UNC13B: variants seen among roughly 807,000 people sequenced by gnomAD.
UNC13B encodes the protein protein unc-13 homolog B.
Under a neutral mutation model 211.0 loss-of-function variants are expected in UNC13B, and 144 were observed. That is an observed-to-expected ratio of 0.68 (90% CI 0.60 to 0.78). The LOEUF is 0.78. Ranked by LOEUF, UNC13B falls within the 30% of genes least tolerant of loss-of-function variation. The probability of loss-of-function intolerance (pLI) is 0.00; values close to 1 mark genes in which losing one functional copy is unlikely to be tolerated. For missense variants in UNC13B, 1,777 were observed against 2,002.0 expected (o/e 0.89, Z 2.14); for synonymous variants, 709 against 725.8 (o/e 0.98, Z 0.37).
chr9:35,309,327 A>G (rs1211964125), intron 9 of UNC13B, among the ~76,000 whole-genome samples: 1 of 151,820 alleles, frequency 6.6e-6, no homozygotes, highest in Non-Finnish European at 1.5e-5. Flanking sequence ...CCTGGTACCT[A>G]TTCTGCTGGC....
At chr9:35,201,099 G>A (rs2131375628) in intron 1 of UNC13B, among the ~76,000 whole-genome samples, 1 of 151,960 alleles carries the variant, frequency 6.6e-6, no homozygotes, top group Non-Finnish European at 1.5e-5. Flanking sequence ...ATAATCATGT[G>A]GTTTTTGTCT....
intron 11 of UNC13B, among the ~76,000 whole-genome samples, chr9:35,334,308 C>T (rs1266945736): frequency 6.6e-6 from 1 of 152,164 alleles, no homozygotes; most frequent in Non-Finnish European, 1.5e-5. Flanking sequence ...TGGAGAAATT[C>T]AGATGTCTAT....
At chr9:35,213,375 C>T (rs1409311296) in intron 1 of UNC13B, among the ~76,000 whole-genome samples, 1 of 152,168 alleles carries the variant, frequency 6.6e-6, no homozygotes, top group East Asian at 1.9e-4. Flanking sequence ...ATCTGCAAGC[C>T]AGGAAGTATG....
chr9:35,277,220 T>C (rs2131708157), intron 7 of UNC13B, among the ~76,000 whole-genome samples: 1 of 152,316 alleles, frequency 6.6e-6, no homozygotes, highest in South Asian at 2.1e-4. Flanking sequence ...GATCATTGAA[T>C]AAGAGTGTAA....
chr9:35,208,747 C>A (rs1823803071), intron 1 of UNC13B, among the ~76,000 whole-genome samples: 1 of 152,188 alleles, frequency 6.6e-6, no homozygotes, highest in Non-Finnish European at 1.5e-5. Flanking sequence ...CCCCCATGAT[C>A]CAGTCACCTC....
Position 35,306,694 on chromosome 9 carries a change from G to GC in UNC13B, c.7292dup (p.Gly2432ArgfsTer13). Reference sequence around the variant, plus strand: ...TAGAGCCAGCCTCTTCCTCTCCAGAGCCAGGGTGTGCAGGGAACCTTCAGA... The same window carrying GC: ...TAGAGCCAGCCTCTTCCTCTCCAGAGCCCAGGGTGTGCAGGGAACCTTCAGA... On this transcript the variant is annotated frameshift_variant, in exon 9 of 40. Transcript: ENST00000635942. LOFTEE classifies it high-confidence loss of function. The GC allele has an allele frequency of 2.5e-6, 1 of 399,072 alleles. No individual in the cohort carries two copies. Among genetic ancestry groups the GC allele is most frequent in the Non-Finnish European group, 4.4e-6 (1 of 226,074 alleles). The allele number at this position is 399,072 out of a possible 1,614,324, so 24.7% of individuals were successfully genotyped here.
Position 35,304,026 on chromosome 9 carries a change from ATTCTC to A in UNC13B, c.4628_4632del (p.Leu1543HisfsTer2), listed in dbSNP as rs1829810248. The A allele has an allele frequency of 2.5e-6, 1 of 398,670 alleles. No homozygotes were observed. The highest frequency in any genetic ancestry group is 1.3e-4 in the South Asian group (1 of 7,864). The allele number at this position is 398,670 out of a possible 1,614,324, so 24.7% of individuals were successfully genotyped here. A position where few individuals can be genotyped will look rare whatever the true frequency, so the allele number is the denominator to read the frequency against. On this transcript the variant is annotated frameshift_variant, in exon 9 of 40. Transcript: ENST00000635942. LOFTEE classifies it high-confidence loss of function. ...ATGTTTCATGATGGTCAATATATCT[ATTCTC>A]TTCTCACTGATTCTACTGGGCAGTA...
intron 1 of UNC13B, among the ~76,000 whole-genome samples, chr9:35,197,758 C>T (rs1042550525): frequency 2.0e-5 from 3 of 152,050 alleles, no homozygotes; most frequent in Non-Finnish European, 4.4e-5. Flanking sequence ...GTACCTCTCC[C>T]ACCTTCTCTC....
chr9:35,297,561 T>TTTTTTTTTTGTTTTGTTTTTTTG, intron 8 of UNC13B, among the ~76,000 whole-genome samples: 72 of 128,210 alleles, frequency 5.6e-4, no homozygotes, highest in Non-Finnish European at 1.0e-3. Flanking sequence ...TTTTTTTTTT[T>TTTTTTTTTTGTTTTGTTTTTTTG]TTTTTTGAGA....
At chr9:35,272,976 A>G (rs1230275773) in intron 7 of UNC13B, among the ~76,000 whole-genome samples, 1 of 152,210 alleles carries the variant, frequency 6.6e-6, no homozygotes, top group African/African-American at 2.4e-5. Context: ...TTGGAGTTTC[A>G]AAGAGATTTT....
At chr9:35,173,478 C>T (rs1287626629) in intron 1 of UNC13B, among the ~76,000 whole-genome samples, 1 of 150,094 alleles carries the variant, frequency 6.7e-6, no homozygotes, top group African/African-American at 2.5e-5. Context: ...GGCTGGAGTG[C>T]GGTGGTGCTA....
intron 11 of UNC13B, among the ~76,000 whole-genome samples, chr9:35,364,044 T>C (rs1424866154): frequency 6.6e-6 from 1 of 152,216 alleles, no homozygotes; most frequent in Non-Finnish European, 1.5e-5. Flanking sequence ...AGTGAATGCA[T>C]GGCCAAGCCT....
intron 11 of UNC13B, among the ~76,000 whole-genome samples, chr9:35,327,552 C>T (rs1165160678): frequency 6.6e-6 from 1 of 152,206 alleles, no homozygotes; most frequent in Non-Finnish European, 1.5e-5. Flanking sequence ...ATTTATTCCA[C>T]CTTCTTCCAC....
At chr9:35,228,433 C>T (rs1288844926) in intron 2 of UNC13B, among the ~76,000 whole-genome samples, 4 of 151,926 alleles carry the variant, frequency 2.6e-5, no homozygotes, top group South Asian at 4.2e-4. Context: ...GTTTGCTGCA[C>T]CCATTAACTC....
intron 7 of UNC13B, among the ~76,000 whole-genome samples, chr9:35,265,119 A>C (rs905921290): frequency 6.6e-6 from 1 of 152,204 alleles, no homozygotes; most frequent in Non-Finnish European, 1.5e-5. Context: ...TCTTGTGTGG[A>C]TAAAGACATG....
intron 3 of UNC13B, among the ~76,000 whole-genome samples, chr9:35,232,078 G>A (rs1020482670): frequency 2.0e-5 from 3 of 150,948 alleles, no homozygotes; most frequent in African/African-American, 4.9e-5. Flanking sequence ...AACTGAAATC[G>A]ATTTGCATGT....
intron 1 of UNC13B, among the ~76,000 whole-genome samples, chr9:35,180,582 T>G (rs995017258): frequency 6.6e-6 from 1 of 152,180 alleles, no homozygotes; most frequent in African/African-American, 2.4e-5. Context: ...GCTGTGGACT[T>G]CAAAAATTAT....
chr9:35,342,823 A>G (rs1162495015), intron 11 of UNC13B, among the ~76,000 whole-genome samples: 9 of 152,222 alleles, frequency 5.9e-5, no homozygotes. Flanking sequence ...ATGTGTATGC[A>G]TGTACTCAAG....
At chr9:35,237,942 G>A (rs1825603697) in intron 5 of UNC13B, 116 bp downstream of exon 5, 1 of 1,125,548 alleles carries the variant, frequency 8.9e-7, no homozygotes, top group Non-Finnish European at 1.2e-6. Flanking sequence ...AGGATATTTT[G>A]TCTTCATTCA....
Sources: gnomAD v4.1 joint callset for allele counts (sites outside exome capture counted in the v4.1 genomes callset) on GRCh38, gnomAD v4.1.1 for gene constraint, MANE v1.5 for transcripts, NCBI Gene and HGNC (gene_info 2026-07-23, HGNC 2026-07-21) for gene names.